NRXN1: variants seen among roughly 807,000 people sequenced by gnomAD.
NRXN1 encodes neurexin 1, also known as neurexin-1.
A neutral mutation model predicts 150.9 loss-of-function variants in NRXN1; 39 were observed. The observed-to-expected ratio is 0.26, with a 90% CI of 0.20 to 0.34. NRXN1 has a LOEUF of 0.34. NRXN1 is among the 10% of genes least tolerant of loss of function. The probability of loss-of-function intolerance (pLI) is 1.00; values close to 1 mark genes in which losing one functional copy is unlikely to be tolerated. For synonymous variants in NRXN1, 924 were observed against 757.0 expected (o/e 1.22, Z -3.62); for missense variants, 1,815 against 1,949.9 (o/e 0.93, Z 1.30).
chr2:50,520,898 A>G (rs1011805175), intron 12 of NRXN1, among the ~76,000 whole-genome samples: 3 of 152,062 alleles, frequency 2.0e-5, no homozygotes, highest in African/African-American at 7.2e-5. Flanking sequence ...TTTCTTTACT[A>G]GAAACTTATA....
intron 12 of NRXN1, among the ~76,000 whole-genome samples, chr2:50,516,333 T>C (rs1393312720): frequency 1.3e-5 from 2 of 152,102 alleles, no homozygotes; most frequent in African/African-American, 2.4e-5. Context: ...ACTGCATAAG[T>C]TGTATGCTGT....
At chr2:50,963,168 A>G (rs973929899) in intron 2 of NRXN1, among the ~76,000 whole-genome samples, 1 of 151,674 alleles carries the variant, frequency 6.6e-6, no homozygotes, top group Non-Finnish European at 1.5e-5. Context: ...GAATTGCCTC[A>G]TTAATCTGCC....
At chr2:50,887,953 C>T (rs777500164) in intron 5 of NRXN1, among the ~76,000 whole-genome samples, 2 of 146,388 alleles carry the variant, frequency 1.4e-5, no homozygotes, top group African/African-American at 5.0e-5. Flanking sequence ...CAATAAGGTA[C>T]CTTTTAAGTA....
intron 17 of NRXN1, among the ~76,000 whole-genome samples, chr2:50,309,731 T>G (rs187398288): frequency 2.0e-5 from 3 of 152,190 alleles, no homozygotes; most frequent in African/African-American, 7.2e-5. Flanking sequence ...ATGGGACCCT[T>G]GCCAGCTGCC....
intron 15 of NRXN1, among the ~76,000 whole-genome samples, chr2:50,493,118 T>G (rs2091354182): frequency 6.6e-6 from 1 of 152,218 alleles, no homozygotes; most frequent in Non-Finnish European, 1.5e-5. Flanking sequence ...TGATGTTTTC[T>G]TTAATTCTTT....
intron 5 of NRXN1, among the ~76,000 whole-genome samples, chr2:50,704,939 T>C (rs1694228012): frequency 6.6e-6 from 1 of 152,026 alleles, no homozygotes; most frequent in African/African-American, 2.4e-5. Flanking sequence ...TATTGTCATT[T>C]TACTGATAAA....
intron 18 of NRXN1, among the ~76,000 whole-genome samples, chr2:50,228,821 T>C (rs2064660081): frequency 6.6e-6 from 1 of 151,966 alleles, no homozygotes; most frequent in Admixed American, 6.6e-5. Context: ...GAAGCCTAGT[T>C]GCAGTGTGAT....
chr2:50,190,498 T>A (rs2061373659), intron 18 of NRXN1, among the ~76,000 whole-genome samples: 2 of 152,172 alleles, frequency 1.3e-5, no homozygotes, highest in African/African-American at 4.8e-5. Flanking sequence ...AAGGCTTTAT[T>A]TGATAGCTTA....
chr2:50,048,949 C>T (rs879305495), intron 21 of NRXN1, among the ~76,000 whole-genome samples: 3 of 152,076 alleles, frequency 2.0e-5, no homozygotes, highest in Non-Finnish European at 2.9e-5. Context: ...TTTATTCTCT[C>T]TCTTTTCTCA....
chr2:50,472,499 A>G (rs769976462), intron 15 of NRXN1, 28 bp from the exon 16 acceptor site: 7 of 1,590,550 alleles, frequency 4.4e-6, no homozygotes, highest in Non-Finnish European at 2.6e-6. Context: ...TCTTTGTTAC[A>G]AAAGTACCAT....
chr2:50,110,855 C>T (rs1198578968), intron 18 of NRXN1, among the ~76,000 whole-genome samples: 2 of 152,086 alleles, frequency 1.3e-5, no homozygotes, highest in Non-Finnish European at 2.9e-5. Flanking sequence ...TTCTATTGTT[C>T]CCCTATTGAA....
intron 17 of NRXN1, among the ~76,000 whole-genome samples, chr2:50,402,755 G>C (rs1039900337): frequency 6.6e-6 from 1 of 152,138 alleles, no homozygotes; most frequent in Non-Finnish European, 1.5e-5. Flanking sequence ...GAGCCCATTA[G>C]AACTAGGCTT....
intron 5 of NRXN1, among the ~76,000 whole-genome samples, chr2:50,761,618 T>C (rs1055621557): frequency 3.9e-5 from 6 of 151,984 alleles, no homozygotes; most frequent in African/African-American, 1.4e-4. Context: ...TTGTGATGGT[T>C]AATATTGAGT....
At chr2:50,084,241 G>C (rs1051677256) in intron 19 of NRXN1, among the ~76,000 whole-genome samples, 1 of 152,206 alleles carries the variant, frequency 6.6e-6, no homozygotes. Context: ...GCCCTTGCGC[G>C]GTGGATGAGA....
At chr2:50,990,172 A>C (rs1424892985) in intron 2 of NRXN1, among the ~76,000 whole-genome samples, 1 of 151,958 alleles carries the variant, frequency 6.6e-6, no homozygotes, top group African/African-American at 2.4e-5. Flanking sequence ...CTTATCATTG[A>C]ATTGTAAGGG....
At chr2:50,970,490 A>T (rs1421357527) in intron 2 of NRXN1, among the ~76,000 whole-genome samples, 3 of 152,160 alleles carry the variant, frequency 2.0e-5, no homozygotes, top group African/African-American at 7.2e-5. Context: ...GTACAGCAAA[A>T]CACATTAAAA....
At chr2:51,019,497 T>G (rs1669261859) in intron 2 of NRXN1, among the ~76,000 whole-genome samples, 1 of 152,108 alleles carries the variant, frequency 6.6e-6, no homozygotes, top group Admixed American at 6.6e-5. Flanking sequence ...ATCTAGTCCA[T>G]TTTCTGAAAT....
At chr2:50,700,811 T>C (rs1574155122) in intron 5 of NRXN1, among the ~76,000 whole-genome samples, 1 of 151,970 alleles carries the variant, frequency 6.6e-6, no homozygotes, top group Non-Finnish European at 1.5e-5. Flanking sequence ...AAGATTTTTT[T>C]TTTTTTTTGA....
rs1690849356 is a variant in NRXN1, at chr2:50,040,963, C to T, written c.4128+12308G>A. On this transcript the variant is annotated intron_variant, in intron 21 of 22. Transcript: ENST00000401669. ...CATGTGCCATGTTGGTGTGCTGCAC[C>T]CATTAACTCGTCATTTACATTAGGT... Among the ~76,000 whole-genome samples, 8 of 151,908 alleles carry T rather than the reference C, an allele frequency of 5.3e-5. No homozygotes were observed. The South Asian group carries it at 1.7e-3, about 32-fold the overall frequency.
Sources: allele counts gnomAD v4.1 joint callset (sites outside exome capture counted in the v4.1 genomes callset), GRCh38; gene constraint gnomAD v4.1.1; transcripts MANE v1.5; gene names NCBI Gene and HGNC (gene_info 2026-07-23, HGNC 2026-07-21).